Variants in HAL observed in about 807,000 individuals in gnomAD.
The protein encoded by HAL is histidine ammonia-lyase, also known as histidase.
A neutral mutation model predicts 81.1 loss-of-function variants in HAL; 85 were observed. The observed-to-expected ratio is 1.05, with a 90% CI of 0.88 to 1.25. HAL has a LOEUF of 1.25. HAL is among the 50% of genes most tolerant of loss of function. The pLI is 0.00. For missense variants in HAL, 798 were observed against 836.6 expected, an observed-to-expected ratio of 0.95 and a Z score of 0.57; for synonymous variants, 301 against 309.2, an observed-to-expected ratio of 0.97 and a Z score of 0.28.
chr12:95,979,557 A>G (rs973825735), intron 17 of HAL, among the ~76,000 whole-genome samples: 5 of 152,214 alleles, frequency 3.3e-5, no homozygotes, highest in African/African-American at 1.2e-4. Context: ...TACGCATGTA[A>G]TAACTCATGC....
chr12:95,980,508 C>T, intron 17 of HAL, 48 bp downstream of exon 17: 1 of 1,574,330 alleles, frequency 6.4e-7, no homozygotes, highest in Non-Finnish European at 8.7e-7. Flanking sequence ...AATGGAAAGA[C>T]CCTTAGATGG....
At chr12:95,989,024 G>A (rs1176002844) in intron 10 of HAL, among the ~76,000 whole-genome samples, 2 of 152,142 alleles carry the variant, frequency 1.3e-5, no homozygotes, top group Non-Finnish European at 2.9e-5. Flanking sequence ...CAAGCTCAGG[G>A]CAATCTGAGT....
At chr12:95,978,685 G>A (rs2080755258) in intron 17 of HAL, among the ~76,000 whole-genome samples, 1 of 152,122 alleles carries the variant, frequency 6.6e-6, no homozygotes, top group Non-Finnish European at 1.5e-5. Flanking sequence ...TTTGGGTGGG[G>A]CGTGAAATTC....
At chr12:95,976,737 A>G (rs776265338) in intron 18 of HAL, 31 bp from the exon 19 acceptor site, 5 of 1,391,072 alleles carry the variant, frequency 3.6e-6, no homozygotes, top group South Asian at 1.2e-5. Flanking sequence ...AGGGTAGCTT[A>G]TGAAAGTCTG....
chr12:95,980,601 G>A lies in HAL; in HGVS notation c.1474C>T (p.Leu492=). The A allele has an allele frequency of 1.1e-5, 17 of 1,614,088 alleles. No homozygotes were observed. Among genetic ancestry groups the A allele is most frequent in the Non-Finnish European group, 1.4e-5 (17 of 1,179,990 alleles). ...LPAFLVAEGG[L]NSGFMIAHCT... ...TGAGCTATCATGAACCCAGAGTTCA[G>A]ACCACCTTCAGCCACCAGGAAGGCA... is the stretch of plus-strand genomic sequence containing the variant. The change falls in exon 17 of 21, where the codon CTG becomes TTG. Residue 492 remains leucine (L), a synonymous_variant. Transcript: ENST00000261208.
At chr12:95,995,146 T>C (rs1276165176) in intron 2 of HAL, 153 bp from the exon 3 acceptor site, 2 of 703,214 alleles carry the variant, frequency 2.8e-6, no homozygotes, top group Non-Finnish European at 2.6e-6. Flanking sequence ...CTTAGCATCT[T>C]TATGTAGGAG....
At position 95,987,187 on chromosome 12, in the gene HAL, T is replaced by C. The variant is rs1249008750; in HGVS notation, c.931A>G (p.Met311Val). 2 of 1,613,896 alleles carry C rather than the reference T, an allele frequency of 1.2e-6. No homozygotes were observed. Among genetic ancestry groups the C allele is most frequent in the Admixed American group, 1.7e-5 (1 of 60,008 alleles). Residue 311 changes from methionine to valine, a missense_variant, in exon 12 of 21, where the codon ATG (methionine) becomes GTG (valine). By Grantham distance (21) the Met-to-Val change is conservative. Transcript: ENST00000261208. ...EGLALINGTQ[M>V]ITSLGCEAVE... ...GCTTCACAGCCCAGGGATGTGATCA[T>C]CTGCGTCCCATTGATGAGTGCCAGG...
intron 9 of HAL, among the ~76,000 whole-genome samples, chr12:95,991,204 A>C (rs937424772): frequency 2.0e-5 from 3 of 152,294 alleles, no homozygotes; most frequent in Non-Finnish European, 2.9e-5. Flanking sequence ...CACTTGTAGA[A>C]ATTTTAGCAA....
Position 95,995,037 on chromosome 12 carries a change from G to A in HAL, c.248-44C>T, listed in dbSNP as rs905547214. The A allele has an allele frequency of 7.8e-6, 11 of 1,405,942 alleles. No homozygotes were observed. In the African/African-American group the frequency reaches 1.6e-4, roughly 20 times the overall value. The allele number at this position is 1,405,942 out of a possible 1,614,324, so 87.1% of individuals were successfully genotyped here. ...GACTCGTTACAGATCACATTGTACA[G>A]CCATGTTCCCCCTGTTAAACCAAGG... On this transcript the variant is annotated intron_variant, in intron 2 of 20. Coordinates refer to ENST00000261208, the MANE Select transcript of HAL (RefSeq NM_002108.4).
rs753194299 is a variant in HAL at position 95,976,459 on chromosome 12, C to G, written c.1803G>C (p.Glu601Asp). ...GCTCCAGGAGCAGCCTGTGGGCTGC[C>G]TCGATGTCCGGGGCCATGAAGCGAT... is the stretch of plus-strand genomic sequence containing the variant. ...IKDRFMAPDI[E>D]AAHRLLLEQK... The change falls in exon 20 of 21, where the codon GAG becomes GAC. Residue 601 changes from glutamate to aspartate, a missense_variant. Glu to Asp is a conservative substitution (Grantham distance 45). Transcript: ENST00000261208. 8 of 1,614,096 alleles carry G rather than the reference C, an allele frequency of 5.0e-6. No homozygotes were observed. The highest frequency in any genetic ancestry group is 6.8e-6 in the Non-Finnish European group (8 of 1,179,954).
Position 95,990,412 on chromosome 12 carries a change from C to T in HAL, c.836G>A (p.Gly279Asp), listed in dbSNP as rs780939685. ...GEGKMWSPKSGWADAKYVLEA... is the reference protein window; with the variant it reads ...GEGKMWSPKSDWADAKYVLEA... ...TCTTACGTATTTAGCATCAGCCCAG[C>T]CACTCTTCGGAGACCACATCTTCCC... Residue 279 changes from glycine (G) to aspartate (D), a missense_variant, in exon 10 of 21, where the codon GGC becomes GAC. Transcript: ENST00000261208. The T allele has an allele frequency of 6.2e-7, 1 of 1,613,628 alleles. No homozygotes were observed. The highest frequency in any genetic ancestry group is 2.2e-5 in the East Asian group (1 of 44,872).
intron 14 of HAL, among the ~76,000 whole-genome samples, chr12:95,985,346 C>G (rs1949868565): frequency 6.6e-6 from 1 of 152,110 alleles, no homozygotes; most frequent in African/African-American, 2.4e-5. Flanking sequence ...GTAATCCCAG[C>G]ACTTTGGGAG....
At chr12:95,986,397 G>C (rs1949889381) in intron 12 of HAL, among the ~76,000 whole-genome samples, 1 of 152,046 alleles carries the variant, frequency 6.6e-6, no homozygotes, top group African/African-American at 2.4e-5. Context: ...TGCTGACACA[G>C]CCCTCAAAAG....
chr12:95,995,800 C>T lies in HAL; in HGVS notation c.111G>A (p.Lys37=), dbSNP rs775097469. ...TGAAGCCACCATTGTCGGGCTTATT[C>T]TTGATATAGCGCCTCACGGCCTCCC... is the stretch of plus-strand genomic sequence containing the variant. ...LGREAVRRYI[K]NKPDNGGFTS... is the part of the protein sequence containing the mutation. Residue 37 remains lysine (K), a synonymous_variant, in exon 2 of 21, where the codon AAG becomes AAA. Coordinates refer to ENST00000261208, the MANE Select transcript of HAL (RefSeq NM_002108.4). The T allele has an allele frequency of 7.4e-6, 12 of 1,613,284 alleles. No homozygotes were observed. Among genetic ancestry groups the T allele is most frequent in the Non-Finnish European group, 1.0e-5 (12 of 1,180,026 alleles).
intron 10 of HAL, among the ~76,000 whole-genome samples, chr12:95,988,815 A>G (rs1329158044): frequency 1.3e-5 from 2 of 152,212 alleles, no homozygotes; most frequent in Non-Finnish European, 2.9e-5. Context: ...GGGCAGAACA[A>G]TCTTCCCTTG....
chr12:95,975,481 C>T (rs1377230073), intron 20 of HAL, among the ~76,000 whole-genome samples: 1 of 152,060 alleles, frequency 6.6e-6, no homozygotes, highest in African/African-American at 2.4e-5. Flanking sequence ...AGTTTGAGTC[C>T]AGCCTTGGCA....
At chr12:95,982,315 G>GA (rs1565987802) in intron 15 of HAL, among the ~76,000 whole-genome samples, 1 of 152,034 alleles carries the variant, frequency 6.6e-6, no homozygotes, top group African/African-American at 2.4e-5. Flanking sequence ...ATCTTTAATT[G>GA]AAAAAAATAA....
chr12:95,977,084 C>T (rs2080729684), intron 18 of HAL, among the ~76,000 whole-genome samples: 1 of 152,168 alleles, frequency 6.6e-6, no homozygotes, highest in African/African-American at 2.4e-5. Context: ...GAAAGAAGAG[C>T]TGATCCTCAT....
At chr12:95,974,897 G>A (rs995348033) in intron 20 of HAL, among the ~76,000 whole-genome samples, 1 of 152,066 alleles carries the variant, frequency 6.6e-6, no homozygotes, top group African/African-American at 2.4e-5. Context: ...ATGCCACCAG[G>A]CCCAGCTAAT....
Sources: gnomAD v4.1 joint callset for allele counts (sites outside exome capture counted in the v4.1 genomes callset) on GRCh38, gnomAD v4.1.1 for gene constraint, MANE v1.5 for transcripts, NCBI Gene and HGNC (gene_info 2026-07-23, HGNC 2026-07-21) for gene names.